Variants in MATR3 observed in about 807,000 individuals in gnomAD.
The protein encoded by MATR3 is matrin-3.
MATR3 carries 4 observed loss-of-function variants against 85.5 expected under a neutral mutation model. The ratio of observed to expected loss-of-function variants is 0.05; its 90% CI spans 0.02 to 0.11. The LOEUF (loss-of-function observed/expected upper bound fraction) is 0.11, where lower values mean the gene tolerates loss of function less well. MATR3 is among the 10% of genes least tolerant of loss of function. The probability of loss-of-function intolerance (pLI) is 1.00; values close to 1 mark genes in which losing one functional copy is unlikely to be tolerated. For missense variants in MATR3, 685 were observed against 1,016.1 expected (o/e 0.67, Z 4.43); for synonymous variants, 336 against 343.1 (o/e 0.98, Z 0.23).
chr5:139,329,403 A>T lies in MATR3; in HGVS notation c.*8A>T. On this transcript the variant is annotated 3_prime_UTR_variant, in exon 15 of 15. Coordinates refer to ENST00000394805, the MANE Select transcript of MATR3 (RefSeq NM_018834.6). ...CAGAAGAAGGAAACTTAAGATGTGCAAGGAGATTTAATGATTTCAAAGAAA... is the reference window on the plus strand; with the variant it reads ...CAGAAGAAGGAAACTTAAGATGTGCTAGGAGATTTAATGATTTCAAAGAAA... The T allele has an allele frequency of 6.2e-7, 1 of 1,607,336 alleles. No homozygotes were observed. The highest frequency in any genetic ancestry group is 1.1e-5 in the South Asian group (1 of 90,914).
chr5:139,294,564 C>G (rs1486054582), intron 1 of MATR3: 1 of 152,214 alleles, frequency 6.6e-6, no homozygotes, highest in Non-Finnish European at 1.5e-5. Flanking sequence ...GAAACGTTAA[C>G]GCTTGTTTTT....
rs776260389 is a variant in MATR3, at chr5:139,322,048, G to A, written c.1734+19G>A. 2 of 1,613,292 alleles carry A rather than the reference G, an allele frequency of 1.2e-6. No homozygotes were observed. The highest frequency in any genetic ancestry group is 3.3e-5 in the Admixed American group (2 of 59,992). On this transcript the variant is annotated intron_variant, in intron 10 of 14. Coordinates refer to ENST00000394805, the MANE Select transcript of MATR3 (RefSeq NM_018834.6). ...TCTGAGGGTATGTAGTATTTGATTTGTCATCATTTAACAGCTTGTTTTTAC... is the reference window on the plus strand; with the variant it reads ...TCTGAGGGTATGTAGTATTTGATTTATCATCATTTAACAGCTTGTTTTTAC...
chr5:139,313,324 GTTCT>G (rs749210854), intron 2 of MATR3: 13 of 96,398 alleles, frequency 1.3e-4, no homozygotes, highest in African/African-American at 4.5e-4. Context: ...TGTAATAATA[GTTCT>G]TTTTTTTTTT....
intron 12 of MATR3, 74 bp from the exon 13 acceptor site, chr5:139,325,366 T>G: frequency 6.3e-7 from 1 of 1,589,068 alleles, no homozygotes; most frequent in Non-Finnish European, 8.6e-7. Flanking sequence ...GATTCGGAAC[T>G]TCAGAAACTT....
At chr5:139,299,964 G>A (rs1288520576) in intron 1 of MATR3, 5 of 152,260 alleles carry the variant, frequency 3.3e-5, no homozygotes. Flanking sequence ...GCAGGGTGAA[G>A]GGTGATTTAA....
intron 9 of MATR3, among the ~76,000 whole-genome samples, chr5:139,319,774 G>C (rs1755445998): frequency 6.6e-6 from 1 of 150,470 alleles, no homozygotes; most frequent in Admixed American, 6.6e-5. Flanking sequence ...CTGGCAGGGG[G>C]CGGAGGTTGC....
intron 2 of MATR3, among the ~76,000 whole-genome samples, chr5:139,277,775 T>TTA: frequency 6.6e-6 from 1 of 151,626 alleles, no homozygotes. Context: ...TTTTTTTTTT[T>TTA]TTTTTAATTG....
intron 1 of MATR3, among the ~76,000 whole-genome samples, chr5:139,297,320 T>C (rs1289505877): frequency 6.6e-6 from 1 of 152,244 alleles, no homozygotes; most frequent in African/African-American, 2.4e-5. Flanking sequence ...GGCACAACGC[T>C]GTCCAAGAAA....
intron 1 of MATR3, among the ~76,000 whole-genome samples, chr5:139,305,409 T>A (rs754993444): frequency 2.0e-5 from 3 of 152,152 alleles, no homozygotes; most frequent in Admixed American, 2.0e-4. Context: ...AGGGAAAAAA[T>A]AATTCAAAAG....
intron 1 of MATR3, among the ~76,000 whole-genome samples, chr5:139,299,422 T>G (rs1037354096): frequency 1.2e-4 from 18 of 152,146 alleles, no homozygotes; most frequent in Non-Finnish European, 1.6e-4. Context: ...GTCTATAACC[T>G]CAGCACTTTG....
chr5:139,330,086 A>T lies in MATR3; in HGVS notation c.*691A>T, dbSNP rs1457362991. On this transcript the variant is annotated 3_prime_UTR_variant, in exon 15 of 15. Coordinates refer to ENST00000394805, the MANE Select transcript of MATR3 (RefSeq NM_018834.6). ...ATTCCCGTTATCTTTGACCAGTATT[A>T]ATTTTTGAGATCTTACTGCTTGTCA... The T allele has an allele frequency of 6.6e-6, 3 of 454,512 alleles. No individual in the cohort carries two copies. The highest frequency in any genetic ancestry group is 4.7e-5 in the South Asian group (3 of 64,480). 28.2% of individuals were successfully genotyped at this position (454,512 alleles called of 1,614,324 possible).
chr5:139,298,055 TTAA>T (rs1754250239), intron 1 of MATR3, among the ~76,000 whole-genome samples: 1 of 152,198 alleles, frequency 6.6e-6, no homozygotes, highest in South Asian at 2.1e-4. Context: ...AGTCATTTAA[TTAA>T]TATTAGGGAG....
chr5:139,322,938 TCAG>T lies in MATR3; in HGVS notation c.2128_2130del (p.Ala710del). ...AGCTGTGAAAAAAGATGGAAGTGCT[TCAG>T]CAGCAGCAAAGAAAAAGCTTAAAAA... On this transcript the variant is annotated inframe_deletion, in exon 12 of 15. Transcript: ENST00000394805. 1.9e-6 allele frequency: 3 copies of T among 1,614,050 alleles called. No individual in the cohort carries two copies. The highest frequency in any genetic ancestry group is 2.5e-6 in the Non-Finnish European group (3 of 1,180,016).
chr5:139,279,018 C>T, intron 2 of MATR3: 1 of 509,706 alleles, frequency 2.0e-6, no homozygotes, highest in Non-Finnish European at 3.9e-6. Flanking sequence ...GTCTTAGGGA[C>T]AGCCTGTCAT....
In MATR3 at chr5:139,331,297, A is replaced by G. The variant is rs539527330; in HGVS notation, c.*1902A>G. On this transcript the variant is annotated 3_prime_UTR_variant, in exon 15 of 15. Transcript: ENST00000394805. ...CTTCTGCAATTTAATTTTAGCCTTT[A>G]CTAATTACCCACTTCTGTTTAATTC... 9.2e-5 allele frequency: 42 copies of G among 454,156 alleles called. 2 individuals carry two copies. Among genetic ancestry groups the G allele is most frequent in the South Asian group, 5.0e-4 (32 of 64,478 alleles). The allele number at this position is 454,156 out of a possible 1,614,324, so 28.1% of individuals were successfully genotyped here.
chr5:139,319,849 A>T (rs1488687983), intron 9 of MATR3, among the ~76,000 whole-genome samples: 1 of 144,168 alleles, frequency 6.9e-6, no homozygotes, highest in Non-Finnish European at 1.5e-5. Context: ...CAACTCAAAA[A>T]AAAAAATTTG....
chr5:139,307,769 T>G lies in MATR3; in HGVS notation c.354T>G (p.Ser118=). ...ASNILASFGL[S]ARDLDELSRY... Reference sequence around the variant, plus strand: ...ACATTTTGGCCAGCTTTGGTCTGTCTGCTAGAGACTTAGATGAACTGAGTC... The same window carrying G: ...ACATTTTGGCCAGCTTTGGTCTGTCGGCTAGAGACTTAGATGAACTGAGTC... Residue 118 remains serine, a synonymous_variant, in exon 2 of 15, where the codon TCT becomes TCG. Transcript: ENST00000394805. The surrounding 1 kb of genome is among the most constrained non-coding windows in gnomAD (Gnocchi z 4.4). 1 of 1,614,196 alleles carries G rather than the reference T, an allele frequency of 6.2e-7. No homozygotes were observed. The highest frequency in any genetic ancestry group is 2.2e-5 in the East Asian group (1 of 44,890).
Position 139,331,530 on chromosome 5 carries a change from C to T in MATR3, c.*2135C>T, listed in dbSNP as rs990905929. 8.8e-6 allele frequency: 4 copies of T among 454,118 alleles called. No homozygotes were observed. Among genetic ancestry groups the T allele is most frequent in the Non-Finnish European group, 1.8e-5 (4 of 226,802 alleles). The allele number at this position is 454,118 out of a possible 1,614,324, so 28.1% of individuals were successfully genotyped here. Reference sequence around the variant, plus strand: ...TAGTGATAAATCTGTAACAGCCCTTCGATTACGAGAAAACCTCTTTTTAGT... The same window carrying T: ...TAGTGATAAATCTGTAACAGCCCTTTGATTACGAGAAAACCTCTTTTTAGT... On this transcript the variant is annotated 3_prime_UTR_variant, in exon 15 of 15. Transcript: ENST00000394805.
chr5:139,290,438 CTTTTTTTTT>C (rs762364450), upstream of MATR3, among the ~76,000 whole-genome samples: 97 of 44,978 alleles, frequency 2.2e-3, 3 homozygotes, highest in South Asian at 5.0e-3. Context: ...CCTGGCCGCT[CTTTTTTTTT>C]TTTTTTTTTT....
Sources: allele counts gnomAD v4.1 joint callset (sites outside exome capture counted in the v4.1 genomes callset), GRCh38; gene constraint gnomAD v4.1.1; non-coding constraint Gnocchi (gnomAD v3.1); transcripts MANE v1.5; gene names NCBI Gene and HGNC (gene_info 2026-07-23, HGNC 2026-07-21).